Variants in CLTC observed in about 807,000 individuals in gnomAD.
CLTC encodes the protein clathrin heavy chain 1.
In CLTC, 16 loss-of-function variants were observed where a neutral mutation model predicts 195.8. That is an observed-to-expected ratio of 0.08 (90% CI 0.06 to 0.12). The LOEUF is 0.12. CLTC is among the 10% of genes least tolerant of loss of function. The probability of loss-of-function intolerance (pLI) is 1.00; values close to 1 mark genes in which losing one functional copy is unlikely to be tolerated. For missense variants in CLTC, 796 were observed against 2,027.0 expected (o/e 0.39, Z 11.66); for synonymous variants, 667 against 689.4 (o/e 0.97, Z 0.51).
Position 59,648,942 on chromosome 17 carries a change from G to A in CLTC, c.681+541G>A, listed in dbSNP as rs1464227165. On this transcript the variant is annotated intron_variant, in intron 4 of 31. Transcript: ENST00000269122. This position sits in a 1 kb window ranked among gnomAD's most constrained non-coding sequence, Gnocchi z 4.5. ...ACCTCTGGGTCCAAGTGATCCTCCC[G>A]CCTTGGTCTCCCAATATAATCTGCA... Among the ~76,000 whole-genome samples, 1 of 152,112 alleles carries A rather than the reference G, an allele frequency of 6.6e-6. No individual in the cohort carries two copies. Among genetic ancestry groups the A allele is most frequent in the African/African-American group, 2.4e-5 (1 of 41,414 alleles).
chr17:59,625,744 T>C (rs1178917458), intron 1 of CLTC, among the ~76,000 whole-genome samples: 1 of 152,212 alleles, frequency 6.6e-6, no homozygotes, highest in African/African-American at 2.4e-5. Flanking sequence ...TTGAATCACT[T>C]ACTGGTTATT....
chr17:59,655,277 G>A (rs180879033), intron 5 of CLTC, among the ~76,000 whole-genome samples: 3 of 152,280 alleles, frequency 2.0e-5, no homozygotes, highest in African/African-American at 7.2e-5. Flanking sequence ...GGAAAGAAAC[G>A]GGAGAACAGC....
At chr17:59,691,353 G>A (rs1048416097) in intron 31 of CLTC, among the ~76,000 whole-genome samples, 21 of 152,174 alleles carry the variant, frequency 1.4e-4, no homozygotes, top group Admixed American at 5.9e-4. Flanking sequence ...GGCTGGGTGC[G>A]GTGGCTCATG....
At chr17:59,659,935 T>G (rs918879655) in intron 6 of CLTC, among the ~76,000 whole-genome samples, 1 of 152,212 alleles carries the variant, frequency 6.6e-6, no homozygotes, top group African/African-American at 2.4e-5. Context: ...AACTTGCAAG[T>G]GAACCCTAAA....
intron 1 of CLTC, among the ~76,000 whole-genome samples, chr17:59,620,621 G>A (rs1026632304): frequency 3.0e-4 from 45 of 149,746 alleles, no homozygotes; most frequent in Non-Finnish European, 4.0e-4. Flanking sequence ...CCCAGGAGTT[G>A]TGGGGCGGGT....
rs115244410 is a variant in CLTC, at chr17:59,625,513, A to G, written c.42+5340A>G. On this transcript the variant is annotated intron_variant, in intron 1 of 31. Transcript: ENST00000269122. ...CGTATTTAGAGTTCATAAAATTTAC[A>G]GTTAGAAAGGCAGATTTGGGGCTGG... Among the ~76,000 whole-genome samples, 721 of 152,252 alleles carry G rather than the reference A, an allele frequency of 4.7e-3. 9 individuals carry two copies. The highest frequency in any genetic ancestry group is 0.017 in the African/African-American group (694 of 41,548).
At chr17:59,637,491 G>T (rs868182900) in intron 1 of CLTC, among the ~76,000 whole-genome samples, 1 of 148,326 alleles carries the variant, frequency 6.7e-6, no homozygotes, top group African/African-American at 2.5e-5. Flanking sequence ...TGATCCGCCC[G>T]CCTCGGCCTC....
chr17:59,645,090 T>C (rs1219903209), intron 2 of CLTC, among the ~76,000 whole-genome samples: 1 of 152,182 alleles, frequency 6.6e-6, no homozygotes, highest in Non-Finnish European at 1.5e-5. Flanking sequence ...GCTAAACATA[T>C]CTCTCTACAG....
chr17:59,657,577 GC>G (rs1339481518), intron 6 of CLTC, among the ~76,000 whole-genome samples: 1 of 151,744 alleles, frequency 6.6e-6, no homozygotes, highest in Non-Finnish European at 1.5e-5. Flanking sequence ...GACCAGCCTG[GC>G]CAACATGGTG....
Position 59,655,993 on chromosome 17 carries a change from C to T in CLTC, c.935C>T (p.Thr312Ile). ...TTTGTTACTGCACCTCATGAAGCCA[C>T]AGCTGGAATAATTGGAGTAAACAGA... is the stretch of plus-strand genomic sequence containing the variant. ...TIFVTAPHEATAGIIGVNRKG... is the reference protein window; with the variant it reads ...TIFVTAPHEAIAGIIGVNRKG... The change falls in exon 6 of 32, where the codon ACA becomes ATA. Residue 312 changes from threonine (T) to isoleucine (I), a missense_variant. Transcript: ENST00000269122. 1 of 1,611,762 alleles carries T rather than the reference C, an allele frequency of 6.2e-7. No homozygotes were observed. The highest frequency in any genetic ancestry group is 8.5e-7 in the Non-Finnish European group (1 of 1,179,328).
intron 5 of CLTC, 84 bp from the exon 6 acceptor site, chr17:59,655,770 C>A: frequency 8.9e-7 from 1 of 1,125,108 alleles, no homozygotes; most frequent in Non-Finnish European, 1.2e-6. Flanking sequence ...ATTTTACCAT[C>A]TCTAAAATGG....
At chr17:59,663,808 G>A (rs757072854) in intron 8 of CLTC, 34 bp from the exon 9 acceptor site, 12 of 1,594,174 alleles carry the variant, frequency 7.5e-6, no homozygotes, top group Middle Eastern at 1.7e-4. Flanking sequence ...AACAGTTCAT[G>A]GATCACTAAA....
At chr17:59,668,715 A>G in intron 13 of CLTC, 62 bp from the exon 14 acceptor site, 1 of 1,407,284 alleles carries the variant, frequency 7.1e-7, no homozygotes, top group Non-Finnish European at 9.6e-7. Flanking sequence ...AATTACATAA[A>G]TGTTTTTCAG....
chr17:59,648,941 C>T lies in CLTC; in HGVS notation c.681+540C>T, dbSNP rs1381689116. 1.3e-5 allele frequency among the ~76,000 whole-genome samples: 2 copies of T among 152,136 alleles called. No homozygotes were observed. The highest frequency in any genetic ancestry group is 2.9e-5 in the Non-Finnish European group (2 of 68,032). The stretch of plus-strand genomic sequence containing the variant: ...AACCTCTGGGTCCAAGTGATCCTCC[C>T]GCCTTGGTCTCCCAATATAATCTGC... On this transcript the variant is annotated intron_variant, in intron 4 of 31. Transcript: ENST00000269122. This position sits in a 1 kb window ranked among gnomAD's most constrained non-coding sequence, Gnocchi z 4.5.
At chr17:59,660,001 G>A (rs1431136881) in intron 6 of CLTC, among the ~76,000 whole-genome samples, 1 of 152,156 alleles carries the variant, frequency 6.6e-6, no homozygotes, top group African/African-American at 2.4e-5. Flanking sequence ...TATCAAGATT[G>A]AAGTCCTCAA....
intron 18 of CLTC, among the ~76,000 whole-genome samples, chr17:59,679,810 TG>T (rs1162793987): frequency 6.6e-6 from 1 of 152,146 alleles, no homozygotes; most frequent in African/African-American, 2.4e-5. Flanking sequence ...GGCTCACGCC[TG>T]TAATTCCAGC....
intron 17 of CLTC, among the ~76,000 whole-genome samples, chr17:59,678,017 C>T (rs1352377316): frequency 6.6e-6 from 1 of 152,156 alleles, no homozygotes; most frequent in African/African-American, 2.4e-5. Flanking sequence ...CCCTGACAAC[C>T]ACCAGACTGT....
Position 59,694,296 on chromosome 17 carries a change from A to C in CLTC, c.*444A>C. 1 of 220,870 alleles carries C rather than the reference A, an allele frequency of 4.5e-6. No homozygotes were observed. 13.7% of individuals were successfully genotyped at this position (220,870 alleles called of 1,614,324 possible). A position where few individuals can be genotyped will look rare whatever the true frequency, so the allele number is the denominator to read the frequency against. On this transcript the variant is annotated 3_prime_UTR_variant, in exon 32 of 32. Transcript: ENST00000269122. Reference sequence around the variant, plus strand: ...TATTCAAAGAAAAGCTAAAGCAAAAACACTGGCATATGACCATGCAAGACT... The same window carrying C: ...TATTCAAAGAAAAGCTAAAGCAAAACCACTGGCATATGACCATGCAAGACT...
intron 6 of CLTC, among the ~76,000 whole-genome samples, chr17:59,659,090 A>G (rs1366978539): frequency 6.6e-6 from 1 of 152,238 alleles, no homozygotes; most frequent in Non-Finnish European, 1.5e-5. Flanking sequence ...AATACGTTTT[A>G]TGCTATACTA....
Sources: allele counts gnomAD v4.1 joint callset (sites outside exome capture counted in the v4.1 genomes callset), GRCh38; gene constraint gnomAD v4.1.1; non-coding constraint Gnocchi (gnomAD v3.1); transcripts MANE v1.5; gene names NCBI Gene and HGNC (gene_info 2026-07-23, HGNC 2026-07-21).